Variants in PDE3A observed in about 807,000 individuals in gnomAD.
The protein encoded by PDE3A is cGMP-inhibited 3',5'-cyclic phosphodiesterase 3A.
A neutral mutation model predicts 98.3 loss-of-function variants in PDE3A; 43 were observed. The ratio of observed to expected loss-of-function variants is 0.44; its 90% confidence interval spans 0.34 to 0.56. The LOEUF (loss-of-function observed/expected upper bound fraction) is 0.56, where lower values mean the gene tolerates loss of function less well. PDE3A is among the 20% of genes least tolerant of loss of function. The probability of loss-of-function intolerance (pLI) is 0.01; values close to 1 mark genes in which losing one functional copy is unlikely to be tolerated. For synonymous variants in PDE3A, 663 were observed against 567.9 expected (o/e 1.17, Z -2.38); for missense variants, 1,427 against 1,440.7 (o/e 0.99, Z 0.15).
chr12:20,511,996 C>A (rs534951745), intron 1 of PDE3A, among the ~76,000 whole-genome samples: 45 of 152,000 alleles, frequency 3.0e-4, no homozygotes, highest in African/African-American at 1.1e-3. Flanking sequence ...AGAATATACA[C>A]GACTAGCATT....
At position 20,635,074 on chromosome 12, in the gene PDE3A, AACTC is replaced by A. The variant is rs1398654145; in HGVS notation, c.2001+24_2001+27del. 3 of 1,596,356 alleles carry A rather than the reference AACTC, an allele frequency of 1.9e-6. No homozygotes were observed. Among genetic ancestry groups the A allele is most frequent in the Non-Finnish European group, 2.6e-6 (3 of 1,170,714 alleles). ...TGTTTCTGGTAGTCCCATATCACTTAACTCACTCATTTACTTGAGAGATGAGCTT... is the reference window on the plus strand; with the variant it reads ...TGTTTCTGGTAGTCCCATATCACTTAACTCATTTACTTGAGAGATGAGCTT... On this transcript the variant is annotated intron_variant, in intron 8 of 15. Coordinates refer to ENST00000359062, the MANE Select transcript of PDE3A (RefSeq NM_000921.5).
chr12:20,559,281 T>C (rs990913564), intron 2 of PDE3A, among the ~76,000 whole-genome samples: 6 of 152,176 alleles, frequency 3.9e-5, no homozygotes, highest in South Asian at 2.1e-4. Flanking sequence ...AGCCTAGGTG[T>C]ATAATAGGCT....
intron 1 of PDE3A, among the ~76,000 whole-genome samples, chr12:20,519,205 C>G (rs1191546917): frequency 6.6e-6 from 1 of 151,934 alleles, no homozygotes; most frequent in Non-Finnish European, 1.5e-5. Context: ...TTTGAAAGTC[C>G]CTCTCTTAAA....
chr12:20,504,436 A>G (rs1312045034), intron 1 of PDE3A, among the ~76,000 whole-genome samples: 28 of 152,188 alleles, frequency 1.8e-4, no homozygotes, highest in Non-Finnish European at 1.2e-4. Context: ...AGATGACTGT[A>G]TTAGTTATCT....
At chr12:20,393,750 G>C (rs1279223975) in intron 1 of PDE3A, among the ~76,000 whole-genome samples, 1 of 152,082 alleles carries the variant, frequency 6.6e-6, no homozygotes, top group Non-Finnish European at 1.5e-5. Flanking sequence ...AGGTGGCACC[G>C]TTAATGGTGA....
intron 15 of PDE3A, among the ~76,000 whole-genome samples, chr12:20,676,801 C>T (rs1945653796): frequency 1.3e-5 from 2 of 152,026 alleles, no homozygotes. Flanking sequence ...ACCCAGCCAT[C>T]TTTGACTTTT....
intron 15 of PDE3A, among the ~76,000 whole-genome samples, chr12:20,662,372 G>A (rs112146181): frequency 0.021 from 3,237 of 150,656 alleles, 103 homozygotes; most frequent in African/African-American, 0.073. Flanking sequence ...CTCTTGTTTT[G>A]CTTACCCTGC....
chr12:20,414,091 A>G (rs1483293645), intron 1 of PDE3A, among the ~76,000 whole-genome samples: 2 of 152,164 alleles, frequency 1.3e-5, no homozygotes, highest in African/African-American at 4.8e-5. Context: ...TTCTGGAGAG[A>G]CGGCAAAGAG....
chr12:20,413,881 A>G (rs1348583), intron 1 of PDE3A, among the ~76,000 whole-genome samples: 93,020 of 151,968 alleles, frequency 0.61, 30,467 homozygotes, highest in East Asian at 0.88. Context: ...GGTACGGGAG[A>G]GTGAAAATAG....
At chr12:20,587,129 G>A (rs1480682165) in intron 2 of PDE3A, among the ~76,000 whole-genome samples, 1 of 152,110 alleles carries the variant, frequency 6.6e-6, no homozygotes, top group Non-Finnish European at 1.5e-5. Context: ...CAACACTTTA[G>A]GAGGTCGAGG....
intron 2 of PDE3A, among the ~76,000 whole-genome samples, chr12:20,606,180 C>A (rs757768969): frequency 1.3e-4 from 19 of 151,644 alleles, no homozygotes; most frequent in South Asian, 8.3e-4. Context: ...CCTTTACTTT[C>A]TTTAAAAAAA....
intron 1 of PDE3A, among the ~76,000 whole-genome samples, chr12:20,529,766 A>G (rs1946590722): frequency 6.6e-6 from 1 of 152,242 alleles, no homozygotes; most frequent in African/African-American, 2.4e-5. Context: ...ATAATAAATT[A>G]CTGTTGTTCT....
chr12:20,437,567 C>A, intron 1 of PDE3A, among the ~76,000 whole-genome samples: 1 of 152,112 alleles, frequency 6.6e-6, no homozygotes, highest in East Asian at 1.9e-4. Flanking sequence ...GAAGCAGGAG[C>A]AGGTGTGTCA....
rs1231249641 is a variant in PDE3A, at chr12:20,654,336, A to C, written c.3184+131A>C. ...TCATTTGCGGAGTTTGACTACGGAT[A>C]GCTCCCTTCCCCAATATCATAATAA... On this transcript the variant is annotated intron_variant, in intron 15 of 15. Coordinates refer to ENST00000359062, the MANE Select transcript of PDE3A (RefSeq NM_000921.5). The C allele has an allele frequency of 1.1e-5, 8 of 748,104 alleles. No homozygotes were observed. In the African/African-American group the frequency reaches 1.4e-4, roughly 13 times the overall value. 46.3% of individuals were successfully genotyped at this position (748,104 alleles called of 1,614,324 possible). A position where few individuals can be genotyped will look rare whatever the true frequency, so the allele number is the denominator to read the frequency against.
Position 20,369,589 on chromosome 12 carries a change from A to T in PDE3A, c.305A>T (p.Glu102Val), listed in dbSNP as rs2120477089. ...CKEAAAAEEE[E>V]AAPGAEGGVF... is the part of the protein sequence containing the mutation. ...GAGGCGGCGGCGGCGGAGGAGGAGG[A>T]AGCAGCCCCGGGAGCAGAAGGGGGC... The change falls in exon 1 of 16, where the codon GAA becomes GTA. Residue 102 changes from glutamate (E) to valine (V), a missense_variant. Glu to Val is a moderately radical substitution (Grantham distance 121). Transcript: ENST00000359062. The T allele has an allele frequency of 6.4e-7, 1 of 1,559,766 alleles. No individual in the cohort carries two copies. The highest frequency in any genetic ancestry group is 2.4e-5 in the East Asian group (1 of 42,172).
At chr12:20,398,298 T>TTTA in intron 1 of PDE3A, among the ~76,000 whole-genome samples, 1 of 7,168 alleles carries the variant, frequency 1.4e-4, no homozygotes, top group South Asian at 4.0e-3. Context: ...CTTAGTTCAC[T>TTTA]TTTTTTTTTT....
intron 2 of PDE3A, among the ~76,000 whole-genome samples, chr12:20,573,558 C>T (rs755135520): frequency 1.3e-5 from 2 of 151,996 alleles, no homozygotes; most frequent in African/African-American, 2.4e-5. Flanking sequence ...AAATGCAGGA[C>T]AAACGCAAGA....
intron 1 of PDE3A, among the ~76,000 whole-genome samples, chr12:20,417,753 T>C (rs529227029): frequency 1.9e-4 from 29 of 152,120 alleles, no homozygotes; most frequent in Non-Finnish European, 3.8e-4. Flanking sequence ...ATGAAAAAAA[T>C]GTAGGATAAT....
At chr12:20,630,800 T>G (rs1436093689) in intron 6 of PDE3A, among the ~76,000 whole-genome samples, 2 of 152,226 alleles carry the variant, frequency 1.3e-5, no homozygotes, top group African/African-American at 4.8e-5. Context: ...CAGTAACAGC[T>G]TGAATAATTT....
Sources: gnomAD v4.1 joint callset for allele counts (sites outside exome capture counted in the v4.1 genomes callset) on GRCh38, gnomAD v4.1.1 for gene constraint, MANE v1.5 for transcripts, NCBI Gene and HGNC (gene_info 2026-07-23, HGNC 2026-07-21) for gene names.